Variants in MYPN observed in about 807,000 individuals in gnomAD.
The protein encoded by MYPN is sarcomeric protein myopalladin, 145 kDa (MYOP).
In MYPN, 63 loss-of-function variants were observed where a neutral mutation model predicts 129.4. That is an observed-to-expected ratio of 0.49 (90% confidence interval 0.40 to 0.60). MYPN has a LOEUF of 0.60. MYPN is among the 20% of genes least tolerant of loss of function. The pLI is 0.00. For synonymous variants in MYPN, 629 were observed against 600.9 expected (o/e 1.05, Z -0.68); for missense variants, 1,596 against 1,635.4 (o/e 0.98, Z 0.42).
intron 3 of MYPN, among the ~76,000 whole-genome samples, chr10:68,144,468 GAATA>G (rs1215852352): frequency 6.6e-6 from 1 of 152,014 alleles, no homozygotes; most frequent in East Asian, 1.9e-4. Context: ...AACATTTTTT[GAATA>G]AATACATGAA....
At position 68,122,118 on chromosome 10, in the gene MYPN, C is replaced by T. The variant is rs148874991; in HGVS notation, c.680C>T (p.Ala227Val). ...ACCAGGGATAATGAAGTGAATCACG[C>T]CCTGGAACAGCAGGAAGCCAAGAGG... Reference protein sequence around the residue: ...ADTRDNEVNHALEQQEAKRRE... With the variant: ...ADTRDNEVNHVLEQQEAKRRE... Residue 227 changes from alanine to valine, a missense_variant, in exon 2 of 20, where the codon GCC becomes GTC. Coordinates refer to ENST00000358913, the MANE Select transcript of MYPN (RefSeq NM_032578.4). The T allele has an allele frequency of 1.2e-6, 2 of 1,613,974 alleles. No homozygotes were observed. The highest frequency in any genetic ancestry group is 1.7e-6 in the Non-Finnish European group (2 of 1,179,960).
chr10:68,195,391 T>G (rs1170932547), intron 14 of MYPN, 59 bp from the exon 15 acceptor site: 4 of 1,559,646 alleles, frequency 2.6e-6, no homozygotes, highest in East Asian at 4.5e-5. Flanking sequence ...AATTTTTATG[T>G]AAATTGAAAA....
At position 68,109,647 on chromosome 10, in the gene MYPN, G is replaced by T. The variant is rs756254543; in HGVS notation, c.-78G>T. ...TCTTCTCCTGTGCTTTCATCTAAAA[G>T]TTCTCCCTGGATAATTATCATTGCA... On this transcript the variant is annotated 5_prime_UTR_variant, in exon 1 of 20. Transcript: ENST00000358913. The T allele has an allele frequency of 2.2e-6, 1 of 454,070 alleles. No homozygotes were observed. The highest frequency in any genetic ancestry group is 1.6e-5 in the South Asian group (1 of 64,478). The allele number at this position is 454,070 out of a possible 1,614,324, so 28.1% of individuals were successfully genotyped here.
chr10:68,118,500 A>C (rs74143021), intron 1 of MYPN, among the ~76,000 whole-genome samples: 1 of 152,152 alleles, frequency 6.6e-6, no homozygotes, highest in African/African-American at 2.4e-5. Context: ...TATAAAAGCT[A>C]TCTCAAAATA....
chr10:68,138,077 G>A (rs2042514647), intron 2 of MYPN, among the ~76,000 whole-genome samples: 2 of 151,114 alleles, frequency 1.3e-5, no homozygotes, highest in Non-Finnish European at 3.0e-5. Flanking sequence ...GACATTTTTT[G>A]GTGAAATGGA....
chr10:68,122,280 C>A lies in MYPN; in HGVS notation c.842C>A (p.Pro281Gln), dbSNP rs529386892. The change falls in exon 2 of 20, where the codon CCA (proline) becomes CAA (glutamine). Residue 281 changes from proline to glutamine, a missense_variant. Pro to Gln is a moderately conservative substitution (Grantham distance 76). Coordinates refer to ENST00000358913, the MANE Select transcript of MYPN (RefSeq NM_032578.4). ...FTQKLRSREV[P>Q]EGTRVQLDCI... ...CAAAAGTTACGGAGCAGAGAAGTTCCAGAAGGAACTCGAGTACAGTTGGAT... is the reference window on the plus strand; with the variant it reads ...CAAAAGTTACGGAGCAGAGAAGTTCAAGAAGGAACTCGAGTACAGTTGGAT... The A allele has an allele frequency of 1.2e-6, 2 of 1,613,994 alleles. No homozygotes were observed. Among genetic ancestry groups the A allele is most frequent in the East Asian group, 4.5e-5 (2 of 44,882 alleles).
intron 1 of MYPN, among the ~76,000 whole-genome samples, chr10:68,089,849 T>C (rs2133932367): frequency 6.6e-6 from 1 of 152,296 alleles, no homozygotes; most frequent in South Asian, 2.1e-4. Flanking sequence ...AATGAAATGA[T>C]TAATAAATGC....
At chr10:68,155,377 T>G (rs1162577503) in intron 6 of MYPN, among the ~76,000 whole-genome samples, 1 of 152,222 alleles carries the variant, frequency 6.6e-6, no homozygotes. Context: ...CTACAAAGAA[T>G]GTCCTCCCAG....
chr10:68,159,976 T>C (rs529964407), intron 7 of MYPN, among the ~76,000 whole-genome samples: 3 of 152,272 alleles, frequency 2.0e-5, no homozygotes, highest in Admixed American at 2.0e-4. Flanking sequence ...TTTTTTGTGG[T>C]GAGTTATTTG....
Position 68,199,492 on chromosome 10 carries a change from C to T in MYPN, c.3410C>T (p.Thr1137Ile), listed in dbSNP as rs1317590648. ...GVHSLLIDPL[T>I]QRDAGTYKCI... Reference sequence around the variant, plus strand: ...CACTCTCTGCTCATTGACCCACTCACTCAGCGCGACGCAGGGACCTATAAG... The same window carrying T: ...CACTCTCTGCTCATTGACCCACTCATTCAGCGCGACGCAGGGACCTATAAG... Residue 1137 changes from threonine to isoleucine, a missense_variant, in exon 17 of 20, where the codon ACT becomes ATT. Transcript: ENST00000358913. 1 of 1,614,046 alleles carries T rather than the reference C, an allele frequency of 6.2e-7. No homozygotes were observed. Among genetic ancestry groups the T allele is most frequent in the Admixed American group, 1.7e-5 (1 of 60,000 alleles).
At chr10:68,209,730 G>T (rs745443281) in intron 19 of MYPN, among the ~76,000 whole-genome samples, 46 of 143,374 alleles carry the variant, frequency 3.2e-4, no homozygotes, top group African/African-American at 1.2e-3. Context: ...TCGCTCTGTC[G>T]CCCAGGTGAA....
At chr10:68,207,910 G>C (rs1185411136) in intron 19 of MYPN, among the ~76,000 whole-genome samples, 1 of 133,290 alleles carries the variant, frequency 7.5e-6, no homozygotes, top group South Asian at 2.7e-4. Context: ...GCTGGAGCAC[G>C]TCTTCTGGAA....
intron 1 of MYPN, among the ~76,000 whole-genome samples, chr10:68,088,206 C>T (rs1365296400): frequency 6.6e-6 from 1 of 152,008 alleles, no homozygotes; most frequent in Non-Finnish European, 1.5e-5. Context: ...TTGGGGCTCT[C>T]TGGGGTATGT....
intron 1 of MYPN, among the ~76,000 whole-genome samples, chr10:68,112,044 T>C (rs749056050): frequency 2.6e-5 from 4 of 152,250 alleles, no homozygotes; most frequent in African/African-American, 4.8e-5. Context: ...TTTGAGTTGA[T>C]AGGGATTGAC....
At chr10:68,171,991 C>T (rs906230162) in intron 10 of MYPN, among the ~76,000 whole-genome samples, 3 of 152,206 alleles carry the variant, frequency 2.0e-5, no homozygotes, top group African/African-American at 7.2e-5. Context: ...CTTAAGAATT[C>T]AAAATCCTTA....
intron 12 of MYPN, 88 bp downstream of exon 12, chr10:68,175,549 C>T (rs2043214990): frequency 6.9e-6 from 10 of 1,443,334 alleles, no homozygotes; most frequent in Non-Finnish European, 9.7e-6. Flanking sequence ...ACTCAGGTAA[C>T]CTCAGTGAGG....
chr10:68,171,280 CA>C (rs894831946), intron 10 of MYPN, among the ~76,000 whole-genome samples: 2 of 152,112 alleles, frequency 1.3e-5, no homozygotes, highest in African/African-American at 4.8e-5. Context: ...TAATGTCAGA[CA>C]AAAGTCAGAA....
In MYPN at chr10:68,090,844, TG is replaced by T. The variant is rs142473648; in HGVS notation, c.-2+2854del. Among the ~76,000 whole-genome samples, 360 of 152,298 alleles carry T rather than the reference TG, an allele frequency of 2.4e-3. 1 individual carries two copies. The highest frequency in any genetic ancestry group is 8.2e-3 in the African/African-American group (339 of 41,536). On this transcript the variant is annotated intron_variant, in intron 1 of 6. Coordinates refer to the MYPN transcript ENST00000685154. ...CAGTTGGTTGACTGTCATAAGACCT[TG>T]GAGCTTATAATTACATTGATGAAAT...
At chr10:68,166,053 C>T (rs2043048262) in intron 9 of MYPN, among the ~76,000 whole-genome samples, 2 of 152,152 alleles carry the variant, frequency 1.3e-5, no homozygotes, top group African/African-American at 4.8e-5. Flanking sequence ...GAGAACATCT[C>T]CTCAATAAAT....
Sources: gnomAD v4.1 joint callset for allele counts (sites outside exome capture counted in the v4.1 genomes callset) on GRCh38, gnomAD v4.1.1 for gene constraint, MANE v1.5 for transcripts, NCBI Gene and HGNC (gene_info 2026-07-23, HGNC 2026-07-21) for gene names.